EPHX1: variants seen among roughly 807,000 people sequenced by gnomAD.
EPHX1 encodes the protein epoxide hydratase.
A neutral mutation model predicts 43.2 loss-of-function variants in EPHX1; 40 were observed. That is an observed-to-expected ratio of 0.93 (90% confidence interval 0.72 to 1.21). EPHX1 has a LOEUF of 1.21. Among genes scored for constraint, EPHX1 ranks in the 50% most tolerant of loss-of-function variants. The pLI is 0.00. For synonymous variants in EPHX1, 221 were observed against 226.7 expected (o/e 0.98, Z 0.22); for missense variants, 550 against 570.4 (o/e 0.96, Z 0.36).
At chr1:225,829,119 T>C (rs1667431973) in intron 2 of EPHX1, among the ~76,000 whole-genome samples, 2 of 151,852 alleles carry the variant, frequency 1.3e-5, no homozygotes, top group African/African-American at 4.8e-5. Flanking sequence ...CTTTCTCTCT[T>C]CTCCTTTCCC....
intron 1 of EPHX1, among the ~76,000 whole-genome samples, chr1:225,824,129 TC>T (rs1410619522): frequency 6.6e-6 from 1 of 152,134 alleles, no homozygotes; most frequent in East Asian, 1.9e-4. Context: ...TTGGTCAGAC[TC>T]TAAGACCGCC....
intron 1 of EPHX1, among the ~76,000 whole-genome samples, chr1:225,813,504 A>G (rs1265036329): frequency 6.6e-6 from 1 of 152,232 alleles, no homozygotes; most frequent in Non-Finnish European, 1.5e-5. Flanking sequence ...TGGGCGCTCC[A>G]GGAAGAGCTT....
chr1:225,813,471 T>TC (rs1458020706), intron 1 of EPHX1, among the ~76,000 whole-genome samples: 6 of 152,212 alleles, frequency 3.9e-5, no homozygotes, highest in African/African-American at 1.4e-4. Flanking sequence ...GCCACACCCC[T>TC]CTCCTGAGGA....
At chr1:225,839,776 C>T (rs1668239065) in intron 5 of EPHX1, 53 bp from the exon 6 acceptor site, 1 of 1,575,604 alleles carries the variant, frequency 6.3e-7, no homozygotes, top group Non-Finnish European at 8.7e-7. Context: ...TCTCCTCTCT[C>T]CCTGTCCTTG....
At chr1:225,822,998 C>T (rs920176457) in intron 1 of EPHX1, among the ~76,000 whole-genome samples, 3 of 152,104 alleles carry the variant, frequency 2.0e-5, no homozygotes, top group East Asian at 1.9e-4. Context: ...AGAGATGCTC[C>T]ACGGTAATTA....
chr1:225,833,750 A>C (rs192682888), intron 3 of EPHX1, among the ~76,000 whole-genome samples: 8 of 146,970 alleles, frequency 5.4e-5, no homozygotes, highest in African/African-American at 7.6e-5. Flanking sequence ...AGCTGAGATC[A>C]CACCACTGCA....
chr1:225,844,617 A>G lies in EPHX1; in HGVS notation c.1160A>G (p.His387Arg), dbSNP rs764313000. Reference sequence around the variant, plus strand: ...GGACAGGGCTGGATGACCCAGAAGCATGAGCGGTGAGCCTGGCTGAGCCGA... The same window carrying G: ...GGACAGGGCTGGATGACCCAGAAGCGTGAGCGGTGAGCCTGGCTGAGCCGA... ...NLGQGWMTQK[H>R]ERMKVYVPTG... is the part of the protein sequence containing the mutation. The change falls in exon 8 of 9, where the codon CAT (histidine) becomes CGT (arginine). Residue 387 changes from histidine to arginine, a missense_variant. Coordinates refer to ENST00000272167, the MANE Select transcript of EPHX1 (RefSeq NM_001136018.4). The G allele has an allele frequency of 1.2e-6, 2 of 1,614,088 alleles. No individual in the cohort carries two copies. Among genetic ancestry groups the G allele is most frequent in the Non-Finnish European group, 1.7e-6 (2 of 1,180,000 alleles).
chr1:225,844,457 A>G (rs766808872), intron 7 of EPHX1, 41 bp from the exon 8 acceptor site: 12 of 1,613,776 alleles, frequency 7.4e-6, no homozygotes, highest in Admixed American at 6.7e-5. Context: ...ACACAACTGC[A>G]TGTGGCACTG....
rs75690626 is a variant in EPHX1 at position 225,823,000 on chromosome 1, C to T, written c.-5-5725C>T. Among the ~76,000 whole-genome samples the T allele has an allele frequency of 8.0e-3, 1,214 of 152,092 alleles. 17 individuals are homozygous for T. The highest frequency in any genetic ancestry group is 0.028 in the African/African-American group (1,149 of 41,462). ...TCTGTTACAAGGCAGAGATGCTCCA[C>T]GGTAATTAGGGATTTAGGGGAAGAG... is the stretch of plus-strand genomic sequence containing the variant. On this transcript the variant is annotated intron_variant, in intron 1 of 8. Coordinates refer to ENST00000272167, the MANE Select transcript of EPHX1 (RefSeq NM_001136018.4).
chr1:225,844,273 G>A (rs959966736), intron 7 of EPHX1, among the ~76,000 whole-genome samples: 1 of 151,570 alleles, frequency 6.6e-6, no homozygotes, highest in Non-Finnish European at 1.5e-5. Flanking sequence ...GTGGGTGGGG[G>A]GAGGACCTTG....
Position 225,839,323 on chromosome 1 carries a change from T to C in EPHX1, c.699T>C (p.Thr233=). 6.2e-7 allele frequency: 1 copy of C among 1,613,816 alleles called. No individual in the cohort carries two copies. Among genetic ancestry groups the C allele is most frequent in the Non-Finnish European group, 8.5e-7 (1 of 1,179,960 alleles). The change falls in exon 5 of 9, where the codon ACT becomes ACC. Residue 233 remains threonine, a synonymous_variant. Coordinates refer to ENST00000272167, the MANE Select transcript of EPHX1 (RefSeq NM_001136018.4). The part of the protein sequence containing the change: ...QGGDWGSLIC[T]NMAQLVPSHV... ...GGGACTGGGGGTCCCTGATCTGCACTAATATGGCCCAGCTGGTGCCCAGGT... is the reference window on the plus strand; with the variant it reads ...GGGACTGGGGGTCCCTGATCTGCACCAATATGGCCCAGCTGGTGCCCAGGT...
chr1:225,822,451 A>T (rs983464628), intron 1 of EPHX1, among the ~76,000 whole-genome samples: 1 of 152,202 alleles, frequency 6.6e-6, no homozygotes, highest in Non-Finnish European at 1.5e-5. Flanking sequence ...CAGATAAAAT[A>T]TATCTCTGGA....
chr1:225,815,723 G>T (rs1278873223), intron 1 of EPHX1, among the ~76,000 whole-genome samples: 1 of 152,148 alleles, frequency 6.6e-6, no homozygotes, highest in Admixed American at 6.5e-5. Flanking sequence ...TGGTCCTCGG[G>T]CTGCCCTACA....
chr1:225,842,142 G>A (rs1314384076), intron 6 of EPHX1, among the ~76,000 whole-genome samples: 2 of 152,238 alleles, frequency 1.3e-5, no homozygotes, highest in East Asian at 3.9e-4. Context: ...CAGGCCCTGG[G>A]AGACAGTGGG....
chr1:225,844,122 GAAGGT>G (rs753756643), intron 7 of EPHX1, among the ~76,000 whole-genome samples: 26 of 152,322 alleles, frequency 1.7e-4, no homozygotes, highest in African/African-American at 6.0e-4. Flanking sequence ...TGAATTAAAA[GAAGGT>G]AAGGAGCTTA....
In EPHX1 at chr1:225,842,092, T is replaced by C. The variant is rs1369476559; in HGVS notation, c.932-274T>C. Among the ~76,000 whole-genome samples, 3 of 152,256 alleles carry C rather than the reference T, an allele frequency of 2.0e-5. No homozygotes were observed. The East Asian group carries it at 5.8e-4, about 29-fold the overall frequency. ...TGGGACCCCACCAAATGCAGAGGCG[T>C]AGGCCCTTCAGTTTGAAGGAAGCTG... On this transcript the variant is annotated intron_variant, in intron 6 of 8. Transcript: ENST00000272167.
At chr1:225,831,658 C>A in intron 2 of EPHX1, 121 bp from the exon 3 acceptor site, 1 of 933,818 alleles carries the variant, frequency 1.1e-6, no homozygotes, top group Non-Finnish European at 1.7e-6. Context: ...AACTGCCTTG[C>A]CACTCCCAGA....
intron 3 of EPHX1, among the ~76,000 whole-genome samples, chr1:225,837,897 A>T (rs1668055322): frequency 6.6e-6 from 1 of 152,238 alleles, no homozygotes; most frequent in Non-Finnish European, 1.5e-5. Context: ...TATGAAAAAA[A>T]TTATGCATTT....
At chr1:225,832,457 G>C (rs1667663760) in intron 3 of EPHX1, among the ~76,000 whole-genome samples, 2 of 152,200 alleles carry the variant, frequency 1.3e-5, no homozygotes, top group African/African-American at 2.4e-5. Context: ...ATTGCTTGAA[G>C]CCAGGAGGCG....
Sources: allele counts gnomAD v4.1 joint callset (sites outside exome capture counted in the v4.1 genomes callset), GRCh38; gene constraint gnomAD v4.1.1; transcripts MANE v1.5; gene names NCBI Gene and HGNC (gene_info 2026-07-23, HGNC 2026-07-21).